ACSS3: variants seen among roughly 807,000 people sequenced by gnomAD.
ACSS3 encodes acyl-CoA synthetase short-chain family member 3, mitochondrial.
A neutral mutation model predicts 84.2 loss-of-function variants in ACSS3; 64 were observed. The ratio of observed to expected loss-of-function variants is 0.76; its 90% confidence interval spans 0.62 to 0.94. The LOEUF (loss-of-function observed/expected upper bound fraction) is 0.94. ACSS3 is among the 40% of genes least tolerant of loss of function. The pLI is 0.00. For synonymous variants in ACSS3, 317 were observed against 310.1 expected (o/e 1.02, Z -0.23); for missense variants, 815 against 867.6 (o/e 0.94, Z 0.76).
chr12:81,095,763 T>G (rs1293082207), intron 1 of ACSS3, among the ~76,000 whole-genome samples: 1 of 152,214 alleles, frequency 6.6e-6, no homozygotes, highest in Non-Finnish European at 1.5e-5. Context: ...ATGTCTATGT[T>G]GTCCTTTCAT....
In ACSS3 at chr12:81,259,839, A is replaced by C. The variant is rs2136054137; in HGVS notation, c.*4917A>C. The C allele has an allele frequency of 2.2e-6, 1 of 449,630 alleles. No individual in the cohort carries two copies. The highest frequency in any genetic ancestry group is 2.0e-5 in the African/African-American group (1 of 49,912). The allele number at this position is 449,630 out of a possible 1,614,324, so 27.9% of individuals were successfully genotyped here. On this transcript the variant is annotated 3_prime_UTR_variant, in exon 16 of 16. Transcript: ENST00000548058. ...ATGTAATTAACATTTGCTTTTCTCC[A>C]ATTTGGTGCAGGGGAGCTTAACAAA...
chr12:81,152,190 T>C, intron 7 of ACSS3, 94 bp downstream of exon 7: 1 of 980,924 alleles, frequency 1.0e-6, no homozygotes, highest in Non-Finnish European at 1.5e-6. Context: ...AAAATTGGGG[T>C]GGGGACAGGG....
At chr12:81,225,568 G>A (rs1357864289) in intron 11 of ACSS3, among the ~76,000 whole-genome samples, 6 of 151,938 alleles carry the variant, frequency 3.9e-5, no homozygotes, top group Admixed American at 3.3e-4. Context: ...GCAAGGCAGA[G>A]TTTAACTACC....
chr12:81,223,700 G>T (rs1224980956), intron 11 of ACSS3, among the ~76,000 whole-genome samples: 1 of 151,948 alleles, frequency 6.6e-6, no homozygotes, highest in African/African-American at 2.4e-5. Context: ...CTTCTGGGGA[G>T]ATAAAAATAA....
intron 11 of ACSS3, among the ~76,000 whole-genome samples, chr12:81,220,340 AT>A (rs1370036987): frequency 6.6e-6 from 1 of 152,106 alleles, no homozygotes; most frequent in African/African-American, 2.4e-5. Context: ...TGTATAGATG[AT>A]AAAGTTAACT....
chr12:81,228,484 C>T (rs375428085), intron 11 of ACSS3, among the ~76,000 whole-genome samples: 4 of 151,758 alleles, frequency 2.6e-5, no homozygotes, highest in East Asian at 1.9e-4. Context: ...TGGGAGACGA[C>T]GTATGCTTTC....
intron 1 of ACSS3, among the ~76,000 whole-genome samples, chr12:81,102,449 G>A (rs1409780042): frequency 6.6e-6 from 1 of 152,128 alleles, no homozygotes; most frequent in Non-Finnish European, 1.5e-5. Flanking sequence ...GGTGCAGGAA[G>A]CATAAGTGGG....
intron 8 of ACSS3, among the ~76,000 whole-genome samples, chr12:81,175,696 A>G (rs766224543): frequency 3.1e-4 from 47 of 152,190 alleles, no homozygotes; most frequent in Non-Finnish European, 5.9e-4. Context: ...TAATATCAAG[A>G]AGCTCTCTGA....
At chr12:81,210,325 T>A (rs952626081) in intron 9 of ACSS3, among the ~76,000 whole-genome samples, 1 of 152,182 alleles carries the variant, frequency 6.6e-6, no homozygotes, top group Admixed American at 6.5e-5. Context: ...AGAGAGGAGC[T>A]TCGTCAGAAA....
At chr12:81,173,049 G>T (rs1021022619) in intron 7 of ACSS3, among the ~76,000 whole-genome samples, 12 of 152,154 alleles carry the variant, frequency 7.9e-5, no homozygotes, top group African/African-American at 2.9e-4. Flanking sequence ...GTTGCACAAG[G>T]TCAATTAATA....
chr12:81,126,948 T>A (rs770376179), intron 2 of ACSS3, among the ~76,000 whole-genome samples: 1 of 151,938 alleles, frequency 6.6e-6, no homozygotes, highest in Non-Finnish European at 1.5e-5. Context: ...CTATTTTGAA[T>A]GTAAGATAGC....
chr12:81,157,057 T>C (rs1000228220), intron 7 of ACSS3, among the ~76,000 whole-genome samples: 1 of 152,124 alleles, frequency 6.6e-6, no homozygotes, highest in Non-Finnish European at 1.5e-5. Context: ...TACTACAAAC[T>C]AATGTCCTTC....
chr12:81,216,486 A>G (rs528747228), intron 9 of ACSS3, among the ~76,000 whole-genome samples: 223 of 152,334 alleles, frequency 1.5e-3, no homozygotes, highest in Non-Finnish European at 1.4e-3. Context: ...TTTTGACACA[A>G]CTGTAATTAA....
chr12:81,226,261 T>G (rs2033267339), intron 11 of ACSS3, among the ~76,000 whole-genome samples: 1 of 151,976 alleles, frequency 6.6e-6, no homozygotes, highest in African/African-American at 2.4e-5. Flanking sequence ...TTCTAGTGGC[T>G]TCTTAGATAC....
At chr12:81,127,921 G>A (rs1885216005) in intron 2 of ACSS3, among the ~76,000 whole-genome samples, 1 of 152,064 alleles carries the variant, frequency 6.6e-6, no homozygotes, top group Non-Finnish European at 1.5e-5. Context: ...TGAGCATCTG[G>A]TCACAAAGTT....
chr12:81,086,256 A>G (rs1410329784), intron 1 of ACSS3, among the ~76,000 whole-genome samples: 1 of 122,156 alleles, frequency 8.2e-6, no homozygotes, highest in African/African-American at 2.5e-5. Flanking sequence ...AGGTATATTT[A>G]AAATATAAAA....
chr12:81,116,737 C>T (rs1722488853), intron 2 of ACSS3, among the ~76,000 whole-genome samples: 1 of 152,036 alleles, frequency 6.6e-6, no homozygotes, highest in African/African-American at 2.4e-5. Context: ...TACATGGAGT[C>T]ATATTATGTA....
At chr12:81,096,775 C>T (rs1882089881) in intron 1 of ACSS3, among the ~76,000 whole-genome samples, 1 of 152,140 alleles carries the variant, frequency 6.6e-6, no homozygotes, top group Non-Finnish European at 1.5e-5. Context: ...CCAGCTTCAT[C>T]CATGTCCCTG....
intron 1 of ACSS3, among the ~76,000 whole-genome samples, chr12:81,082,308 A>G (rs928785084): frequency 6.6e-6 from 1 of 152,202 alleles, no homozygotes; most frequent in African/African-American, 2.4e-5. Context: ...ATAAGTGAGA[A>G]CATGCATATC....
Sources: gnomAD v4.1 joint callset for allele counts (sites outside exome capture counted in the v4.1 genomes callset) on GRCh38, gnomAD v4.1.1 for gene constraint, MANE v1.5 for transcripts, NCBI Gene and HGNC (gene_info 2026-07-23, HGNC 2026-07-21) for gene names.